Variants in TRIM2 observed in about 807,000 individuals in gnomAD.
TRIM2 encodes the protein tripartite motif containing 2.
A neutral mutation model predicts 75.2 loss-of-function variants in TRIM2; 20 were observed. That is an observed-to-expected ratio of 0.27 (90% CI 0.19 to 0.39). The LOEUF (loss-of-function observed/expected upper bound fraction) is 0.39. Ranked by LOEUF, TRIM2 falls within the 10% of genes least tolerant of loss-of-function variation. The pLI, the probability that TRIM2 is intolerant of heterozygous loss-of-function variation, is 1.00. For missense variants in TRIM2, 660 were observed against 990.8 expected, an observed-to-expected ratio of 0.67 and a Z score of 4.48; for synonymous variants, 373 against 388.3, an observed-to-expected ratio of 0.96 and a Z score of 0.46.
intron 1 of TRIM2, among the ~76,000 whole-genome samples, chr4:153,168,869 G>A (rs1730565665): frequency 6.6e-6 from 1 of 152,098 alleles, no homozygotes; most frequent in Admixed American, 6.5e-5. Flanking sequence ...TTCAGCTTAG[G>A]AGTTCAAGAC....
intron 6 of TRIM2, among the ~76,000 whole-genome samples, chr4:153,313,251 C>T (rs1422019390): frequency 6.6e-6 from 1 of 152,076 alleles, no homozygotes; most frequent in East Asian, 1.9e-4. Flanking sequence ...ATTGAAGATC[C>T]TTTCTTCTGA....
At chr4:153,204,649 T>C (rs1308149522) in intron 1 of TRIM2, 89 bp downstream of exon 1, 6 of 1,495,470 alleles carry the variant, frequency 4.0e-6, no homozygotes, top group Middle Eastern at 1.7e-4. Flanking sequence ...ATTGGGTTGC[T>C]ACTTTTTCCT....
At chr4:153,259,262 G>A (rs1326055189) in intron 1 of TRIM2, among the ~76,000 whole-genome samples, 1 of 152,132 alleles carries the variant, frequency 6.6e-6, no homozygotes, top group Non-Finnish European at 1.5e-5. Flanking sequence ...TATAACAAAA[G>A]CTTCATGGAT....
chr4:153,255,967 C>T (rs528400104), intron 1 of TRIM2, among the ~76,000 whole-genome samples: 1 of 152,214 alleles, frequency 6.6e-6, no homozygotes, highest in Admixed American at 6.5e-5. Flanking sequence ...AGAGAGATAG[C>T]TAAAGGGTAT....
intron 1 of TRIM2, among the ~76,000 whole-genome samples, chr4:153,186,280 A>C (rs1322927799): frequency 6.6e-6 from 1 of 152,080 alleles, no homozygotes; most frequent in Non-Finnish European, 1.5e-5. Flanking sequence ...CTTATCTGTG[A>C]CGTAATGATC....
chr4:153,300,176 A>G (rs887286114), intron 6 of TRIM2, among the ~76,000 whole-genome samples: 3 of 152,184 alleles, frequency 2.0e-5, no homozygotes, highest in Admixed American at 2.0e-4. Context: ...GTTTTCCATA[A>G]TGGCTGTACT....
intron 1 of TRIM2, among the ~76,000 whole-genome samples, chr4:153,169,955 C>T (rs1379073259): frequency 6.6e-6 from 1 of 152,240 alleles, no homozygotes; most frequent in Non-Finnish European, 1.5e-5. Context: ...ATTCTAACTT[C>T]ATCCGCATCT....
intron 1 of TRIM2, among the ~76,000 whole-genome samples, chr4:153,254,782 T>G (rs577821913): frequency 1.8e-4 from 28 of 152,348 alleles, no homozygotes; most frequent in African/African-American, 6.5e-4. Flanking sequence ...CAAAACCCAT[T>G]TAACCCATAT....
intron 1 of TRIM2, among the ~76,000 whole-genome samples, chr4:153,207,890 T>C (rs1347431606): frequency 6.6e-6 from 1 of 152,238 alleles, no homozygotes; most frequent in Non-Finnish European, 1.5e-5. Flanking sequence ...GAGGAACTCA[T>C]GAGCCGTAAG....
chr4:153,328,799 A>C, intron 11 of TRIM2, 129 bp downstream of exon 11: 24 of 982,310 alleles, frequency 2.4e-5, no homozygotes, highest in African/African-American at 3.4e-5. Flanking sequence ...AGATACTCTC[A>C]CCAGAAGGAC....
intron 1 of TRIM2, among the ~76,000 whole-genome samples, chr4:153,264,414 A>G (rs189025092): frequency 6.4e-4 from 98 of 152,256 alleles, no homozygotes; most frequent in African/African-American, 2.1e-3. Context: ...TTTCACACGG[A>G]TCCCTTCAGA....
chr4:153,244,243 TTCC>T lies in TRIM2; in HGVS notation c.31-26089_31-26087del, dbSNP rs1313888229. 1.8e-4 allele frequency among the ~76,000 whole-genome samples: 16 copies of T among 88,542 alleles called. No individual in the cohort carries two copies. The East Asian group carries it at 5.5e-3, about 31-fold the overall frequency. The allele number at this position is 88,542 out of a possible 152,430, so 58.1% of individuals were successfully genotyped here. ...TCTTCTCCTCCTTCTTCTCTTCTCC[TTCC>T]TCTTCTTTCCTCCTCCTCCTCCTCC... is the stretch of plus-strand genomic sequence containing the variant. On this transcript the variant is annotated intron_variant, in intron 1 of 11. Coordinates refer to ENST00000338700, the MANE Select transcript of TRIM2 (RefSeq NM_015271.5).
At chr4:153,305,623 A>C (rs1013472702) in intron 6 of TRIM2, among the ~76,000 whole-genome samples, 2 of 152,196 alleles carry the variant, frequency 1.3e-5, no homozygotes, top group Non-Finnish European at 2.9e-5. Context: ...GGAAAAGCTG[A>C]AGGATAAGTG....
At chr4:153,326,275 CTGAAAACTCTTCAAGTTT>C (rs1221785749) in intron 10 of TRIM2, among the ~76,000 whole-genome samples, 1 of 152,134 alleles carries the variant, frequency 6.6e-6, no homozygotes, top group Non-Finnish European at 1.5e-5. Flanking sequence ...TCTTAATATT[CTGAAAACTCTTCAAGTTT>C]TCAGCATGGT....
In TRIM2 at chr4:153,164,134, ATTGTT is replaced by A. The variant is rs550731700; in HGVS notation, c.-49+10883_-49+10887del. Among the ~76,000 whole-genome samples, 22 of 151,876 alleles carry A rather than the reference ATTGTT, an allele frequency of 1.4e-4. 1 individual carries two copies. Among genetic ancestry groups the A allele is most frequent in the Non-Finnish European group, 8.8e-5 (6 of 67,970 alleles). On this transcript the variant is annotated intron_variant, in intron 1 of 11. Coordinates refer to the TRIM2 transcript ENST00000437508. ...TTTACTTATATAAACACATGTACTT[ATTGTT>A]TTGTTTTGTTTTGTTTTGAGACAGG...
At chr4:153,270,863 TA>T (rs1035408040) in intron 2 of TRIM2, among the ~76,000 whole-genome samples, 1 of 152,178 alleles carries the variant, frequency 6.6e-6, no homozygotes, top group African/African-American at 2.4e-5. Flanking sequence ...CAGAGTCAAT[TA>T]AAAAAATCTA....
At chr4:153,306,903 T>C (rs911688954) in intron 6 of TRIM2, among the ~76,000 whole-genome samples, 2 of 152,220 alleles carry the variant, frequency 1.3e-5, no homozygotes, top group Non-Finnish European at 2.9e-5. Flanking sequence ...ATCCTTACTG[T>C]TGAAGAAATG....
intron 1 of TRIM2, among the ~76,000 whole-genome samples, chr4:153,239,407 A>G (rs1486094068): frequency 1.3e-5 from 2 of 148,196 alleles, no homozygotes; most frequent in African/African-American, 2.6e-5. Flanking sequence ...AGATTTTATC[A>G]TAAAGATAGT....
At chr4:153,291,562 T>C (rs1000309246) in intron 3 of TRIM2, among the ~76,000 whole-genome samples, 1 of 152,198 alleles carries the variant, frequency 6.6e-6, no homozygotes, top group Admixed American at 6.5e-5. Flanking sequence ...TTGTGTTATA[T>C]GTCAAGAAAA....
Sources: allele counts gnomAD v4.1 joint callset (sites outside exome capture counted in the v4.1 genomes callset), GRCh38; gene constraint gnomAD v4.1.1; transcripts MANE v1.5; gene names NCBI Gene and HGNC (gene_info 2026-07-23, HGNC 2026-07-21).